The following TEFM variants were observed in gnomAD, a reference collection of about 807,000 sequenced individuals.
TEFM encodes the protein transcription elongation factor, mitochondrial, also known as transcription elongation factor of mitochondria.
Under a neutral mutation model 23.0 loss-of-function variants are expected in TEFM, and 14 were observed. The observed-to-expected ratio is 0.61, with a 90% confidence interval of 0.40 to 0.95. TEFM has a LOEUF of 0.95. Among genes scored for constraint, TEFM ranks in the 40% least tolerant of loss-of-function variants. The pLI, the probability that TEFM is intolerant of heterozygous loss-of-function variation, is 0.00. For synonymous variants in TEFM, 155 were observed against 158.3 expected (o/e 0.98, Z 0.16); for missense variants, 386 against 425.5 (o/e 0.91, Z 0.82).
rs1014307145 is a variant in TEFM at position 30,904,170 on chromosome 17, T to C, written c.391A>G (p.Asn131Asp). ...FKYKSTVQVCNSILCPKTGRE... is the reference protein window; with the variant it reads ...FKYKSTVQVCDSILCPKTGRE... ...CCAGTCTTTGGACAAAGTATGGAGTTACAAACTTGAACTGTACTTTTATAC... is the reference window on the plus strand; with the variant it reads ...CCAGTCTTTGGACAAAGTATGGAGTCACAAACTTGAACTGTACTTTTATAC... Residue 131 changes from asparagine (N) to aspartate (D), a missense_variant, in exon 2 of 4, where the codon AAC becomes GAC. Coordinates refer to ENST00000581216, the MANE Select transcript of TEFM (RefSeq NM_024683.4). 2.5e-6 allele frequency: 4 copies of C among 1,614,090 alleles called. No homozygotes were observed. The highest frequency in any genetic ancestry group is 2.5e-6 in the Non-Finnish European group (3 of 1,180,042).
intron 3 of TEFM, 96 bp downstream of exon 3, chr17:30,900,317 C>A: frequency 8.3e-7 from 1 of 1,205,424 alleles, no homozygotes; most frequent in Non-Finnish European, 1.2e-6. Context: ...GAAGAAAACC[C>A]ATCTTTACTA....
intron 2 of TEFM, among the ~76,000 whole-genome samples, chr17:30,902,447 A>G (rs1000290134): frequency 6.6e-6 from 1 of 152,192 alleles, no homozygotes; most frequent in African/African-American, 2.4e-5. Flanking sequence ...TGCATGACTT[A>G]TATCTCCATA....
intron 3 of TEFM, chr17:30,900,082 G>A (rs763363057): frequency 7.9e-6 from 3 of 378,034 alleles, no homozygotes; most frequent in East Asian, 7.9e-5. Context: ...TGACCATTTC[G>A]CAAGGTTTTG....
At chr17:30,901,381 A>G (rs552974198) in intron 2 of TEFM, among the ~76,000 whole-genome samples, 1 of 152,338 alleles carries the variant, frequency 6.6e-6, no homozygotes, top group Non-Finnish European at 1.5e-5. Context: ...ACTCATTCTC[A>G]GCACCTTGCC....
intron 1 of TEFM, among the ~76,000 whole-genome samples, chr17:30,905,201 C>A (rs1430344151): frequency 2.0e-5 from 3 of 152,058 alleles, no homozygotes; most frequent in African/African-American, 7.2e-5. Context: ...TTAGAGGAAT[C>A]TTTTTGTAAC....
At chr17:30,903,980 G>C (rs756067814) in intron 2 of TEFM, 86 bp downstream of exon 2, 12 of 1,206,018 alleles carry the variant, frequency 1.0e-5, no homozygotes, top group Non-Finnish European at 1.3e-5. Context: ...CCCTGTCTTA[G>C]CCACTTCCCA....
rs1909978501 is a variant in TEFM, at chr17:30,899,041, C to G, written c.*128G>C. On this transcript the variant is annotated 3_prime_UTR_variant, in exon 4 of 4. Coordinates refer to ENST00000581216, the MANE Select transcript of TEFM (RefSeq NM_024683.4). ...GCTTATTGTGTAAACCATTTAATAG[C>G]CAAAAGTCAGAATTTAAACATCTAA... is the stretch of plus-strand genomic sequence containing the variant. The G allele has an allele frequency of 1.1e-6, 1 of 949,286 alleles. No individual in the cohort carries two copies. The highest frequency in any genetic ancestry group is 1.6e-6 in the Non-Finnish European group (1 of 641,992). The allele number at this position is 949,286 out of a possible 1,614,324, so 58.8% of individuals were successfully genotyped here. A position where few individuals can be genotyped will look rare whatever the true frequency, so the allele number is the denominator to read the frequency against.
In TEFM at chr17:30,904,231, C is replaced by T; in HGVS notation, c.330G>A (p.Gln110=). 1 of 1,614,094 alleles carries T rather than the reference C, an allele frequency of 6.2e-7. No individual in the cohort carries two copies. The highest frequency in any genetic ancestry group is 1.6e-4 in the Middle Eastern group (1 of 6,062). The part of the protein sequence containing the change: ...VEHRENFGPF[Q]NLESLMNVPL... ...GCACATTCATTAAACTCTCTAAATT[C>T]TGAAATGGCCCAAAGTTTTCTCTGT... Residue 110 remains glutamine, a synonymous_variant, in exon 2 of 4, where the codon CAG becomes CAA. Transcript: ENST00000581216.
At chr17:30,900,780 T>TA (rs906820550) in intron 2 of TEFM, among the ~76,000 whole-genome samples, 17 of 149,486 alleles carry the variant, frequency 1.1e-4, no homozygotes, top group African/African-American at 3.0e-4. Context: ...TTTTTTATTT[T>TA]TTTTTTTAGT....
intron 3 of TEFM, 61 bp downstream of exon 3, chr17:30,900,352 A>G: frequency 6.6e-7 from 1 of 1,519,798 alleles, no homozygotes; most frequent in East Asian, 2.3e-5. Context: ...TTTTGGGACC[A>G]GAAGATTAAA....
rs746929907 is a variant in TEFM, at chr17:30,900,547, T to C, written c.511A>G (p.Ile171Val). 1 of 1,613,628 alleles carries C rather than the reference T, an allele frequency of 6.2e-7. No homozygotes were observed. The highest frequency in any genetic ancestry group is 8.5e-7 in the Non-Finnish European group (1 of 1,179,808). ...RERLKAVNSI[I>V]SIVFGTRRIA... is the part of the protein sequence containing the mutation. The stretch of plus-strand genomic sequence containing the variant: ...CTTCGAGTACCAAAAACGATAGATA[T>C]GATACTATTAACTGCCTAAAAGAAA... The change falls in exon 3 of 4, where the codon ATA becomes GTA. Residue 171 changes from isoleucine to valine, a missense_variant. Physicochemically the swap from Ile to Val is conservative, Grantham distance 29. Transcript: ENST00000581216.
rs1037694646 is a variant in TEFM, at chr17:30,906,200, T to G, written c.-2A>C. 4 of 1,614,216 alleles carry G rather than the reference T, an allele frequency of 2.5e-6. No individual in the cohort carries two copies. The highest frequency in any genetic ancestry group is 1.1e-5 in the South Asian group (1 of 91,086). ...CGTGAAGAGGACAGACCCGCTCATC[T>G]CCAAGTTGAATCAGTAGGTCCAGTC... On this transcript the variant is annotated 5_prime_UTR_variant, in exon 1 of 4. Transcript: ENST00000581216.
intron 1 of TEFM, among the ~76,000 whole-genome samples, chr17:30,905,374 G>A (rs1051185453): frequency 1.4e-4 from 21 of 152,096 alleles, no homozygotes; most frequent in African/African-American, 5.1e-4. Context: ...TACAAAATTA[G>A]CCGGGCGTGG....
intron 2 of TEFM, 21 bp downstream of exon 2, chr17:30,904,045 T>C (rs566811765): frequency 6.3e-7 from 1 of 1,596,176 alleles, no homozygotes; most frequent in African/African-American, 1.3e-5. Flanking sequence ...TTAGGCAGTA[T>C]AGCAGACATG....
chr17:30,904,183 T>C lies in TEFM; in HGVS notation c.378A>G (p.Thr126=). 1 of 1,614,124 alleles carries C rather than the reference T, an allele frequency of 6.2e-7. No homozygotes were observed. Among genetic ancestry groups the C allele is most frequent in the Non-Finnish European group, 8.5e-7 (1 of 1,180,014 alleles). Residue 126 remains threonine (T), a synonymous_variant, in exon 2 of 4, where the codon ACA becomes ACG. Transcript: ENST00000581216. The part of the protein sequence containing the change: ...MNVPLFKYKS[T]VQVCNSILCP... ...AAAGTATGGAGTTACAAACTTGAACTGTACTTTTATACTTAAACAAGGGCA... is the reference window on the plus strand; with the variant it reads ...AAAGTATGGAGTTACAAACTTGAACCGTACTTTTATACTTAAACAAGGGCA...
intron 2 of TEFM, among the ~76,000 whole-genome samples, chr17:30,901,016 T>C (rs1453267795): frequency 1.3e-5 from 2 of 151,216 alleles, no homozygotes; most frequent in Non-Finnish European, 3.0e-5. Flanking sequence ...ATTAAAGAAA[T>C]GCAGGAGTAA....
chr17:30,906,168 C>T lies in TEFM; in HGVS notation c.31G>A (p.Glu11Lys). Residue 11 changes from glutamate (E) to lysine (K), a missense_variant and splice_region_variant, in exon 1 of 4, where the codon GAG (glutamate) becomes AAG (lysine). Transcript: ENST00000581216. ...CACCCCAGTGTTCCAAGCACCCTAC[C>T]TCCCGCCGTGAAGAGGACAGACCCG... Reference protein sequence around the residue: MSGSVLFTAGERWRCFLTPSR... With the variant: MSGSVLFTAGKRWRCFLTPSR... The T allele has an allele frequency of 1.2e-6, 2 of 1,614,186 alleles. No homozygotes were observed. Among genetic ancestry groups the T allele is most frequent in the Non-Finnish European group, 1.7e-6 (2 of 1,180,028 alleles).
Position 30,904,050 on chromosome 17 carries a change from G to A in TEFM, c.495+16C>T, listed in dbSNP as rs202233946. 3.1e-6 allele frequency: 5 copies of A among 1,602,538 alleles called. No homozygotes were observed. In the African/African-American group the frequency reaches 4.0e-5, roughly 13 times the overall value. On this transcript the variant is annotated intron_variant, in intron 2 of 3. Transcript: ENST00000581216. The stretch of plus-strand genomic sequence containing the variant: ...TTCTCAAATATTAGGCAGTATAGCA[G>A]ACATGAAGAATATACCTTAAGTCTT...
At chr17:30,901,455 G>A (rs544916401) in intron 2 of TEFM, among the ~76,000 whole-genome samples, 4 of 152,300 alleles carry the variant, frequency 2.6e-5, no homozygotes, top group African/African-American at 9.6e-5. Flanking sequence ...AACAACAAAC[G>A]TAACTGTACA....
Sources: allele counts gnomAD v4.1 joint callset (sites outside exome capture counted in the v4.1 genomes callset), GRCh38; gene constraint gnomAD v4.1.1; transcripts MANE v1.5; gene names NCBI Gene and HGNC (gene_info 2026-07-23, HGNC 2026-07-21).